The following GRM7 variants were observed in gnomAD, a reference collection of about 807,000 sequenced individuals.
The protein encoded by GRM7 is metabotropic glutamate receptor 7.
A neutral mutation model predicts 84.5 loss-of-function variants in GRM7; 35 were observed. The ratio of observed to expected loss-of-function variants is 0.41; its 90% CI spans 0.32 to 0.55. GRM7 has a LOEUF of 0.55. Ranked by LOEUF, GRM7 falls within the 20% of genes least tolerant of loss-of-function variation. GRM7 has a pLI of 0.19. For synonymous variants in GRM7, 487 were observed against 455.1 expected, an observed-to-expected ratio of 1.07 and a Z score of -0.89; for missense variants, 1,003 against 1,194.6, an observed-to-expected ratio of 0.84 and a Z score of 2.36.
At chr3:7,414,955 T>C in intron 4 of GRM7, 68 bp from the exon 5 acceptor site, 2 of 1,354,858 alleles carry the variant, frequency 1.5e-6, no homozygotes, top group Non-Finnish European at 2.0e-6. Flanking sequence ...AAAGTCACTT[T>C]TATTTTTATT....
intron 1 of GRM7, among the ~76,000 whole-genome samples, chr3:6,893,374 A>G (rs898081795): frequency 1.3e-5 from 2 of 152,166 alleles, no homozygotes; most frequent in Non-Finnish European, 2.9e-5. Flanking sequence ...CTTGGCATAT[A>G]TTGCGTTACT....
rs1215388082 is a variant in GRM7, at chr3:7,513,761, A to T, written c.1515+52039A>T. On this transcript the variant is annotated intron_variant, in intron 7 of 9. Transcript: ENST00000357716. ...ATATGCCCATAATAATAAAAATTTT[A>T]AAAAATTAGAGAAGAACATCAGCAA... Among the ~76,000 whole-genome samples the T allele has an allele frequency of 3.3e-5, 5 of 152,198 alleles. No homozygotes were observed. The South Asian group carries it at 6.2e-4, about 19-fold the overall frequency.
chr3:7,099,934 T>A (rs1446398402), intron 1 of GRM7, among the ~76,000 whole-genome samples: 1 of 140,480 alleles, frequency 7.1e-6, no homozygotes, highest in East Asian at 2.0e-4. Context: ...TTATATATAT[T>A]ATGATATACA....
chr3:7,262,737 CA>C (rs55955512), intron 2 of GRM7, among the ~76,000 whole-genome samples: 152,355 of 152,356 alleles, frequency 1, 76,177 homozygotes, highest in Middle Eastern at 1. Context: ...CGCTTTGTCA[CA>C]CCAGGCTGGA....
intron 8 of GRM7, among the ~76,000 whole-genome samples, chr3:7,599,840 A>G (rs1473509842): frequency 1.3e-5 from 2 of 152,080 alleles, no homozygotes; most frequent in Admixed American, 1.3e-4. Flanking sequence ...CTTGGTTTTC[A>G]GACTCAGATG....
At chr3:6,920,983 AAAT>A (rs1222417629) in intron 1 of GRM7, among the ~76,000 whole-genome samples, 1 of 152,234 alleles carries the variant, frequency 6.6e-6, no homozygotes, top group Admixed American at 6.5e-5. Context: ...CTAAAGAGGC[AAAT>A]AATTTTAAAA....
At chr3:7,732,392 G>T (rs996848936) in intron 9 of GRM7, among the ~76,000 whole-genome samples, 4 of 152,168 alleles carry the variant, frequency 2.6e-5, no homozygotes, top group African/African-American at 9.7e-5. Context: ...CTTCACCCTG[G>T]TTGTGTATGA....
intron 8 of GRM7, among the ~76,000 whole-genome samples, chr3:7,582,491 T>G (rs1695305567): frequency 6.6e-6 from 1 of 152,014 alleles, no homozygotes. Flanking sequence ...TTCCTTTGTG[T>G]ATAAGTGTGT....
intron 2 of GRM7, among the ~76,000 whole-genome samples, chr3:7,278,526 T>A (rs1167637484): frequency 6.6e-6 from 1 of 152,148 alleles, no homozygotes; most frequent in Non-Finnish European, 1.5e-5. Context: ...TTCTTCTTTT[T>A]AATTTATTCA....
intron 1 of GRM7, among the ~76,000 whole-genome samples, chr3:6,998,715 G>A (rs947034676): frequency 3.9e-5 from 6 of 152,178 alleles, no homozygotes; most frequent in Non-Finnish European, 7.4e-5. Context: ...CAGGCTCAAC[G>A]CCACATGAAA....
intron 1 of GRM7, among the ~76,000 whole-genome samples, chr3:7,081,176 T>C (rs1204585871): frequency 1.3e-5 from 2 of 152,070 alleles, no homozygotes; most frequent in East Asian, 1.9e-4. Flanking sequence ...CGTTATTGCA[T>C]TTTTCAGATA....
intron 7 of GRM7, among the ~76,000 whole-genome samples, chr3:7,538,590 T>C (rs942686236): frequency 2.4e-4 from 36 of 152,200 alleles, no homozygotes; most frequent in African/African-American, 8.2e-4. Context: ...TGAAAGCTTA[T>C]AGAGATGTTG....
intron 2 of GRM7, among the ~76,000 whole-genome samples, chr3:7,169,790 T>G (rs1439085914): frequency 6.6e-6 from 1 of 152,166 alleles, no homozygotes; most frequent in African/African-American, 2.4e-5. Context: ...TGCCAATAAT[T>G]AAGCAATTGT....
rs1453385638 is a variant in GRM7 at position 7,486,466 on chromosome 3, C to A, written c.1515+24744C>A. On this transcript the variant is annotated intron_variant, in intron 7 of 9. Transcript: ENST00000357716. The surrounding 1 kb of genome is among the most constrained non-coding windows in gnomAD (Gnocchi z 5.5). ...AGAGGCAATTGGGTCATAAAGCGTA[C>A]TCCTTTATGAAGGGATTAATGCAGT... Among the ~76,000 whole-genome samples the A allele has an allele frequency of 1.3e-5, 2 of 152,138 alleles. No individual in the cohort carries two copies.
intron 8 of GRM7, among the ~76,000 whole-genome samples, chr3:7,589,998 C>G (rs1328688332): frequency 6.6e-6 from 1 of 152,172 alleles, no homozygotes; most frequent in Admixed American, 6.5e-5. Context: ...GAAACAGCAA[C>G]TAAGAAAGGT....
rs550380726 is a variant in GRM7 at position 7,516,991 on chromosome 3, C to G, written c.1515+55269C>G. On this transcript the variant is annotated intron_variant, in intron 7 of 9. Coordinates refer to ENST00000357716, the MANE Select transcript of GRM7 (RefSeq NM_000844.4). Reference sequence around the variant, plus strand: ...CACCTGCCCTCTGGACAGTCAGTCTCTCTGCTGCCCCGCTCCCCTCAGCAC... The same window carrying G: ...CACCTGCCCTCTGGACAGTCAGTCTGTCTGCTGCCCCGCTCCCCTCAGCAC... Among the ~76,000 whole-genome samples the G allele has an allele frequency of 4.6e-5, 7 of 152,278 alleles. No individual in the cohort carries two copies. The South Asian group carries it at 1.4e-3, about 32-fold the overall frequency.
chr3:7,410,008 A>T (rs1695856333), intron 4 of GRM7, among the ~76,000 whole-genome samples: 1 of 152,128 alleles, frequency 6.6e-6, no homozygotes, highest in South Asian at 2.1e-4. Flanking sequence ...TCAACAGCAC[A>T]TGAGAGAGAT....
intron 1 of GRM7, among the ~76,000 whole-genome samples, chr3:6,957,621 C>T (rs767565656): frequency 5.3e-5 from 8 of 152,142 alleles, no homozygotes; most frequent in African/African-American, 1.7e-4. Context: ...ATTCCCACCC[C>T]GATTTACCCT....
intron 8 of GRM7, among the ~76,000 whole-genome samples, chr3:7,648,849 T>C (rs1294746279): frequency 6.6e-6 from 1 of 152,100 alleles, no homozygotes; most frequent in Non-Finnish European, 1.5e-5. Flanking sequence ...AGTCAGACGT[T>C]GTGGCGTTCC....
Sources: allele counts gnomAD v4.1 joint callset (sites outside exome capture counted in the v4.1 genomes callset), GRCh38; gene constraint gnomAD v4.1.1; non-coding constraint Gnocchi (gnomAD v3.1); transcripts MANE v1.5; gene names NCBI Gene and HGNC (gene_info 2026-07-23, HGNC 2026-07-21).